AGBL4: variants seen among roughly 807,000 people sequenced by gnomAD.
AGBL4 encodes AGBL carboxypeptidase 4, also known as cytosolic carboxypeptidase 6.
Under a neutral mutation model 66.4 loss-of-function variants are expected in AGBL4, and 58 were observed. That is an observed-to-expected ratio of 0.87 (90% CI 0.71 to 1.09). AGBL4 has a LOEUF of 1.09. Ranked by LOEUF, AGBL4 falls within the 50% of genes least tolerant of loss-of-function variation. AGBL4 has a pLI of 0.00. For missense variants in AGBL4, 579 were observed against 631.0 expected (o/e 0.92, Z 0.88); for synonymous variants, 234 against 222.9 (o/e 1.05, Z -0.44).
rs573463605 is a variant in AGBL4, at chr1:48,657,713, C to A, written c.725-4262G>T. On this transcript the variant is annotated intron_variant, in intron 7 of 13. Transcript: ENST00000371839. The stretch of plus-strand genomic sequence containing the variant: ...AATGATACAATGATTTGCCTGCAAC[C>A]CCGAGAGCATCAGAACTCTTTGCTG... Among the ~76,000 whole-genome samples, 39 of 152,142 alleles carry A rather than the reference C, an allele frequency of 2.6e-4. 1 individual carries two copies. The South Asian group carries it at 7.9e-3, about 31-fold the overall frequency.
At chr1:49,339,730 A>G (rs1376481195) in intron 3 of AGBL4, among the ~76,000 whole-genome samples, 1 of 152,204 alleles carries the variant, frequency 6.6e-6, no homozygotes, top group Non-Finnish European at 1.5e-5. Flanking sequence ...TATTATAGAA[A>G]TGGTTCTCCA....
intron 5 of AGBL4, among the ~76,000 whole-genome samples, chr1:48,927,179 A>G (rs1188473970): frequency 6.6e-6 from 1 of 152,180 alleles, no homozygotes; most frequent in African/African-American, 2.4e-5. Flanking sequence ...ATACTGCTAA[A>G]AAAGACGTAC....
chr1:49,490,898 C>T (rs1258834735), intron 3 of AGBL4, among the ~76,000 whole-genome samples: 6 of 151,760 alleles, frequency 4.0e-5, no homozygotes, highest in African/African-American at 7.2e-5. Context: ...TTAAGCTTAA[C>T]TTCCTCCTAC....
At chr1:49,960,154 C>T (rs1657000181) in intron 1 of AGBL4, among the ~76,000 whole-genome samples, 2 of 151,868 alleles carry the variant, frequency 1.3e-5, no homozygotes, top group African/African-American at 4.8e-5. Context: ...TGCACATGTA[C>T]CCCTGAACCT....
At chr1:48,704,395 T>C (rs1158955942) in intron 6 of AGBL4, among the ~76,000 whole-genome samples, 1 of 152,336 alleles carries the variant, frequency 6.6e-6, no homozygotes, top group East Asian at 1.9e-4. Flanking sequence ...CAATAATAAA[T>C]TAACCTCAGT....
intron 2 of AGBL4, among the ~76,000 whole-genome samples, chr1:49,767,385 A>G (rs1044942660): frequency 6.6e-6 from 1 of 152,162 alleles, no homozygotes; most frequent in Non-Finnish European, 1.5e-5. Context: ...ATTAAGGCAG[A>G]AATAAAAAAA....
rs544626092 is a variant in AGBL4 at position 49,199,482 on chromosome 1, G to T, written c.377+46288C>A. Among the ~76,000 whole-genome samples, 7 of 152,272 alleles carry T rather than the reference G, an allele frequency of 4.6e-5. 1 individual carries two copies. The South Asian group carries it at 1.5e-3, about 32-fold the overall frequency. ...GGCTGTCCTCTTAAACAGAAAAACC[G>T]TGTACGGCATCTGTATGTGCCTTTC... On this transcript the variant is annotated intron_variant, in intron 4 of 13. Coordinates refer to ENST00000371839, the MANE Select transcript of AGBL4 (RefSeq NM_032785.4).
chr1:49,486,788 A>G (rs1647076801), intron 3 of AGBL4, among the ~76,000 whole-genome samples: 1 of 151,978 alleles, frequency 6.6e-6, no homozygotes, highest in African/African-American at 2.4e-5. Context: ...CATTCCTCTT[A>G]CATGCAACCA....
chr1:49,019,341 T>G (rs1663068388), intron 5 of AGBL4, among the ~76,000 whole-genome samples: 1 of 152,078 alleles, frequency 6.6e-6, no homozygotes, highest in Non-Finnish European at 1.5e-5. Context: ...TGGACATCAG[T>G]AGGAGGAGGC....
chr1:49,370,399 A>G (rs1390341384), intron 3 of AGBL4, among the ~76,000 whole-genome samples: 1 of 151,966 alleles, frequency 6.6e-6, no homozygotes, highest in Non-Finnish European at 1.5e-5. Flanking sequence ...TTCTGGCAGG[A>G]TTTCTATGTT....
intron 2 of AGBL4, among the ~76,000 whole-genome samples, chr1:49,730,039 C>G (rs1259594966): frequency 2.6e-5 from 4 of 152,132 alleles, no homozygotes; most frequent in African/African-American, 9.7e-5. Flanking sequence ...CAAACGCTGC[C>G]TCTTTCAAGG....
At chr1:48,797,716 T>G (rs766278148) in intron 6 of AGBL4, among the ~76,000 whole-genome samples, 2 of 152,076 alleles carry the variant, frequency 1.3e-5, no homozygotes, top group Non-Finnish European at 2.9e-5. Context: ...CCAGCTAATT[T>G]TTGTATTTTT....
At chr1:49,440,116 C>G (rs1044584488) in intron 3 of AGBL4, among the ~76,000 whole-genome samples, 8 of 143,760 alleles carry the variant, frequency 5.6e-5, no homozygotes, top group South Asian at 4.3e-4. Context: ...GTCACCCAGG[C>G]TGGAGTGCAG....
chr1:49,635,675 A>G (rs1645657452), intron 3 of AGBL4, among the ~76,000 whole-genome samples: 1 of 152,176 alleles, frequency 6.6e-6, no homozygotes. Flanking sequence ...AAAATGCTAC[A>G]TAAAACCACA....
At chr1:49,145,806 C>G (rs1646206962) in intron 4 of AGBL4, among the ~76,000 whole-genome samples, 1 of 152,196 alleles carries the variant, frequency 6.6e-6, no homozygotes. Context: ...CCTGCACTCT[C>G]ATGTTTGCTG....
At chr1:49,223,560 A>C (rs1194761226) in intron 4 of AGBL4, among the ~76,000 whole-genome samples, 1 of 152,206 alleles carries the variant, frequency 6.6e-6, no homozygotes, top group African/African-American at 2.4e-5. Flanking sequence ...TGTGAGGCCT[A>C]GTGCAAAATG....
At chr1:48,965,492 G>T (rs1254260071) in intron 5 of AGBL4, among the ~76,000 whole-genome samples, 1 of 152,176 alleles carries the variant, frequency 6.6e-6, no homozygotes, top group East Asian at 1.9e-4. Flanking sequence ...CCAGGAAGGA[G>T]CAGAGGAATC....
At chr1:49,388,481 C>T (rs574949803) in intron 3 of AGBL4, among the ~76,000 whole-genome samples, 1 of 152,092 alleles carries the variant, frequency 6.6e-6, no homozygotes, top group Non-Finnish European at 1.5e-5. Flanking sequence ...GGAAGGCATG[C>T]TATTTGTACA....
intron 3 of AGBL4, among the ~76,000 whole-genome samples, chr1:49,255,522 G>A (rs917942524): frequency 6.6e-6 from 1 of 152,024 alleles, no homozygotes; most frequent in Non-Finnish European, 1.5e-5. Flanking sequence ...ATAGATAATG[G>A]CAAGGTTGTG....
Sources: allele counts gnomAD v4.1 joint callset (sites outside exome capture counted in the v4.1 genomes callset), GRCh38; gene constraint gnomAD v4.1.1; transcripts MANE v1.5; gene names NCBI Gene and HGNC (gene_info 2026-07-23, HGNC 2026-07-21).